Variants in CTDSPL2 observed in about 807,000 individuals in gnomAD.
CTDSPL2 encodes CTD small phosphatase-like protein 2.
CTDSPL2 carries 5 observed loss-of-function variants against 60.0 expected under a neutral mutation model. The observed-to-expected ratio is 0.08, with a 90% CI of 0.04 to 0.18. The LOEUF (loss-of-function observed/expected upper bound fraction) is 0.18, where lower values mean the gene tolerates loss of function less well. Among genes scored for constraint, CTDSPL2 ranks in the 10% least tolerant of loss-of-function variants. CTDSPL2 has a pLI of 1.00. For synonymous variants in CTDSPL2, 186 were observed against 189.3 expected, an observed-to-expected ratio of 0.98 and a Z score of 0.14; for missense variants, 370 against 548.8, an observed-to-expected ratio of 0.67 and a Z score of 3.26.
At chr15:44,443,764 G>GT (rs1477063804) in intron 1 of CTDSPL2, among the ~76,000 whole-genome samples, 1 of 151,806 alleles carries the variant, frequency 6.6e-6, no homozygotes, top group Non-Finnish European at 1.5e-5. Context: ...GAATCTGGTT[G>GT]TTTTTTTCTT....
rs1157360676 is a variant in CTDSPL2, at chr15:44,473,728, C to T, written c.187-10496C>T. ...GTTCATTTTCATTAAGTCCCAGCAC[C>T]ATTTGTTGAAGACACTTTTTAACTT... On this transcript the variant is annotated intron_variant, in intron 2 of 12. Transcript: ENST00000260327. 2.0e-5 allele frequency among the ~76,000 whole-genome samples: 3 copies of T among 152,174 alleles called. 1 individual carries two copies. Among genetic ancestry groups the T allele is most frequent in the Non-Finnish European group, 1.5e-5 (1 of 68,042 alleles).
chr15:44,444,267 A>G lies in CTDSPL2; in HGVS notation c.-24-14724A>G, dbSNP rs1171870063. 4.0e-5 allele frequency among the ~76,000 whole-genome samples: 6 copies of G among 151,308 alleles called. No individual in the cohort carries two copies. In the East Asian group the frequency reaches 1.2e-3, roughly 29 times the overall value. On this transcript the variant is annotated intron_variant, in intron 1 of 12. Transcript: ENST00000260327. Reference sequence around the variant, plus strand: ...GTGTTTTTGTTGTCATGACCAAGAAACCATTGCCAAATCCAATGTTATGAG... The same window carrying G: ...GTGTTTTTGTTGTCATGACCAAGAAGCCATTGCCAAATCCAATGTTATGAG...
intron 1 of CTDSPL2, among the ~76,000 whole-genome samples, chr15:44,434,960 A>G (rs1338429354): frequency 1.3e-5 from 2 of 152,166 alleles, no homozygotes; most frequent in East Asian, 1.9e-4. Context: ...TTTGTTGTGA[A>G]TAGGATTAAA....
At chr15:44,443,629 T>G (rs1260583499) in intron 1 of CTDSPL2, among the ~76,000 whole-genome samples, 2 of 152,194 alleles carry the variant, frequency 1.3e-5, no homozygotes, top group Non-Finnish European at 2.9e-5. Context: ...TTTTTTATTG[T>G]GGTTTTAATT....
At chr15:44,431,684 G>C (rs1260394081) in intron 1 of CTDSPL2, among the ~76,000 whole-genome samples, 4 of 149,678 alleles carry the variant, frequency 2.7e-5, no homozygotes, top group African/African-American at 9.8e-5. Context: ...ACATAGGAGA[G>C]TTAAGTTTTT....
Position 44,524,105 on chromosome 15 carries a change from G to T in CTDSPL2, c.1336-4G>T. 1.2e-6 allele frequency: 2 copies of T among 1,612,788 alleles called. No individual in the cohort carries two copies. Among genetic ancestry groups the T allele is most frequent in the Middle Eastern group, 3.3e-4 (2 of 6,060 alleles). On this transcript the variant is annotated splice_region_variant and splice_polypyrimidine_tract_variant and intron_variant, in intron 12 of 12. Transcript: ENST00000260327. ...TTTTTAAAAATTGTCTTTTTTCCAC[G>T]CAGAATGAAGATGTTCGACCACACA...
intron 8 of CTDSPL2, among the ~76,000 whole-genome samples, chr15:44,509,702 T>TTTGGGACTTTGGGACTATAATCCCAGGAC (rs1164437892): frequency 6.6e-6 from 1 of 151,966 alleles, no homozygotes; most frequent in Non-Finnish European, 1.5e-5. Flanking sequence ...ATCCCAGGAC[T>TTTGGGACTTTGGGACTATAATCCCAGGAC]TTGGGAGGCC....
At chr15:44,493,807 A>G (rs1238633283) in intron 5 of CTDSPL2, among the ~76,000 whole-genome samples, 1 of 152,212 alleles carries the variant, frequency 6.6e-6, no homozygotes, top group Non-Finnish European at 1.5e-5. Context: ...TCAAAAAATA[A>G]TAATAAAATA....
intron 2 of CTDSPL2, among the ~76,000 whole-genome samples, chr15:44,481,067 G>C (rs1338136366): frequency 1.3e-5 from 2 of 152,106 alleles, no homozygotes; most frequent in Non-Finnish European, 2.9e-5. Flanking sequence ...TGGGCACCAT[G>C]GCTCATGCCT....
Position 44,486,560 on chromosome 15 carries a change from G to T in CTDSPL2, c.335G>T (p.Ser112Ile). 6.5e-7 allele frequency: 1 copy of T among 1,549,070 alleles called. No individual in the cohort carries two copies. The highest frequency in any genetic ancestry group is 8.7e-7 in the Non-Finnish European group (1 of 1,153,312). The change falls in exon 4 of 13, where the codon AGT (serine) becomes ATT (isoleucine). Residue 112 changes from serine to isoleucine, a missense_variant. Ser to Ile is a moderately radical substitution (Grantham distance 142, BLOSUM62 -2). Transcript: ENST00000260327. The stretch of plus-strand genomic sequence containing the variant: ...CTTGTTTCTTTTTTAGAAGCTGGTA[G>T]TTATGAAATGACAAATCAACATGTA... ...RKSQVNGEAG[S>I]YEMTNQHVKQ...
At chr15:44,470,827 A>G (rs955768472) in intron 2 of CTDSPL2, among the ~76,000 whole-genome samples, 3 of 152,142 alleles carry the variant, frequency 2.0e-5, no homozygotes, top group Admixed American at 6.6e-5. Flanking sequence ...CTTACTATGT[A>G]TTCTGGATTT....
At chr15:44,468,179 A>G (rs2080734651) in intron 2 of CTDSPL2, among the ~76,000 whole-genome samples, 1 of 152,152 alleles carries the variant, frequency 6.6e-6, no homozygotes, top group South Asian at 2.1e-4. Context: ...GATTTCTAAA[A>G]TGTAACTGGA....
intron 5 of CTDSPL2, among the ~76,000 whole-genome samples, chr15:44,495,364 T>C (rs2081281380): frequency 6.6e-6 from 1 of 151,032 alleles, no homozygotes; most frequent in African/African-American, 2.4e-5. Context: ...CGGTGGATCA[T>C]GAGGTCAGGA....
rs552865216 is a variant in CTDSPL2 at position 44,501,967 on chromosome 15, T to G, written c.969+2154T>G. 7.0e-4 allele frequency: 318 copies of G among 455,184 alleles called. 1 individual carries two copies. The highest frequency in any genetic ancestry group is 4.2e-3 in the South Asian group (271 of 64,354). 28.2% of individuals were successfully genotyped at this position (455,184 alleles called of 1,614,324 possible). A position where few individuals can be genotyped will look rare whatever the true frequency, so the allele number is the denominator to read the frequency against. On this transcript the variant is annotated intron_variant, in intron 8 of 12. Coordinates refer to ENST00000260327, the MANE Select transcript of CTDSPL2 (RefSeq NM_016396.3). ...GATGTCTTTTAAACTTTCAGTGGTGTTGTCTCCATCTACTGGCAAAGAAGA... is the reference window on the plus strand; with the variant it reads ...GATGTCTTTTAAACTTTCAGTGGTGGTGTCTCCATCTACTGGCAAAGAAGA...
chr15:44,510,590 A>T (rs1232111145), intron 8 of CTDSPL2, among the ~76,000 whole-genome samples: 1 of 152,204 alleles, frequency 6.6e-6, no homozygotes, highest in Non-Finnish European at 1.5e-5. Context: ...GGGAGATTAC[A>T]TAATTTTGAA....
chr15:44,498,605 GA>G (rs1425338976), intron 7 of CTDSPL2, among the ~76,000 whole-genome samples: 1 of 151,976 alleles, frequency 6.6e-6, no homozygotes, highest in East Asian at 1.9e-4. Flanking sequence ...AGGAAGGAAA[GA>G]AAATTTATCT....
chr15:44,496,891 C>T, intron 6 of CTDSPL2, 136 bp from the exon 7 acceptor site: 1 of 525,036 alleles, frequency 1.9e-6, no homozygotes. Flanking sequence ...TGTATGTTTT[C>T]ACTTTTATTA....
chr15:44,519,681 A>G (rs1471757393), intron 11 of CTDSPL2: 1 of 158,704 alleles, frequency 6.3e-6, no homozygotes, highest in African/African-American at 2.4e-5. Context: ...TATTTTGTCA[A>G]TATATTTGTA....
chr15:44,480,447 T>C (rs556028946), intron 2 of CTDSPL2, among the ~76,000 whole-genome samples: 1 of 152,348 alleles, frequency 6.6e-6, no homozygotes, highest in South Asian at 2.1e-4. Context: ...CCTTGTCTTC[T>C]GGTTTCGTTG....
Sources: allele counts gnomAD v4.1 joint callset (sites outside exome capture counted in the v4.1 genomes callset), GRCh38; gene constraint gnomAD v4.1.1; transcripts MANE v1.5; gene names NCBI Gene and HGNC (gene_info 2026-07-23, HGNC 2026-07-21).